The following AFG2A variants were observed in gnomAD, a reference collection of about 807,000 sequenced individuals.
The protein encoded by AFG2A is AAA ATPase AFG2A.
the AFG2A span, among the ~76,000 whole-genome samples, chr4:123,012,767 A>G: frequency 1.3e-5 from 2 of 152,254 alleles, no homozygotes; most frequent in South Asian, 4.1e-4. Flanking sequence ...AGGGTTAGTG[A>G]GAGAGGTTGG....
chr4:123,016,258 G>A, the AFG2A span, among the ~76,000 whole-genome samples: 1 of 150,190 alleles, frequency 6.7e-6, no homozygotes, highest in South Asian at 2.1e-4. Flanking sequence ...GCCGGGCAGA[G>A]GGGCTGACCC....
chr4:123,218,280 G>A, the AFG2A span, among the ~76,000 whole-genome samples: 1 of 152,154 alleles, frequency 6.6e-6, no homozygotes, highest in African/African-American at 2.4e-5. Flanking sequence ...GGCAATGGAT[G>A]GAAGAAAACA....
chr4:123,130,637 C>T, the AFG2A span, among the ~76,000 whole-genome samples: 1 of 152,164 alleles, frequency 6.6e-6, no homozygotes, highest in Non-Finnish European at 1.5e-5. Flanking sequence ...TATAGATGCA[C>T]TACAGTTTGT....
chr4:123,175,407 G>A, the AFG2A span, among the ~76,000 whole-genome samples: 1 of 152,156 alleles, frequency 6.6e-6, no homozygotes. Context: ...TCAACCTTAT[G>A]AGGAATTAGA....
chr4:123,132,254 G>T, the AFG2A span, among the ~76,000 whole-genome samples: 1 of 152,058 alleles, frequency 6.6e-6, no homozygotes, highest in South Asian at 2.1e-4. Flanking sequence ...TCATCTTGTG[G>T]CTGAGGGTTT....
chr4:123,173,347 T>G, the AFG2A span, among the ~76,000 whole-genome samples: 109 of 52,370 alleles, frequency 2.1e-3, no homozygotes, highest in Admixed American at 4.6e-3. Flanking sequence ...ATGGTTTTTT[T>G]TTTTTTTTTT....
At chr4:123,183,227 C>T in the AFG2A span, among the ~76,000 whole-genome samples, 1 of 152,070 alleles carries the variant, frequency 6.6e-6, no homozygotes, top group Non-Finnish European at 1.5e-5. Context: ...TATTTAACCA[C>T]CCTTCAAAAA....
At chr4:123,073,204 C>A in the AFG2A span, among the ~76,000 whole-genome samples, 1 of 151,362 alleles carries the variant, frequency 6.6e-6, no homozygotes, top group African/African-American at 2.4e-5. Context: ...AATATGGTTA[C>A]CTTCTCCGGC....
the AFG2A span, among the ~76,000 whole-genome samples, chr4:122,987,344 T>TA: frequency 1.3e-5 from 2 of 152,120 alleles, no homozygotes; most frequent in East Asian, 3.9e-4. Context: ...CTCTTATGGG[T>TA]AGCATAATTT....
the AFG2A span, among the ~76,000 whole-genome samples, chr4:123,035,283 T>G: frequency 1.3e-5 from 2 of 152,178 alleles, no homozygotes; most frequent in Non-Finnish European, 2.9e-5. Context: ...AAGTCTGTAT[T>G]CTCCTTCTAT....
At chr4:123,238,696 A>C in the AFG2A span, among the ~76,000 whole-genome samples, 1 of 152,198 alleles carries the variant, frequency 6.6e-6, no homozygotes, top group Non-Finnish European at 1.5e-5. Context: ...AACATCAAAG[A>C]CCAAAGGTAG....
chr4:123,084,994 T>A, the AFG2A span, among the ~76,000 whole-genome samples: 1 of 151,892 alleles, frequency 6.6e-6, no homozygotes, highest in Admixed American at 6.6e-5. Flanking sequence ...AAGTGTGTTG[T>A]TCAGTCTTTT....
chr4:122,984,215 A>G, the AFG2A span, among the ~76,000 whole-genome samples: 2 of 151,570 alleles, frequency 1.3e-5, no homozygotes, highest in East Asian at 3.9e-4. Context: ...TTTTGCAGCT[A>G]TTGTAAAAGG....
chr4:123,177,593 T>C, the AFG2A span, among the ~76,000 whole-genome samples: 1 of 152,186 alleles, frequency 6.6e-6, no homozygotes, highest in Non-Finnish European at 1.5e-5. Flanking sequence ...AAAAAGTAAA[T>C]GTCCTTGTGT....
At chr4:123,151,263 G>A in the AFG2A span, among the ~76,000 whole-genome samples, 1,799 of 152,224 alleles carry the variant, frequency 0.012, 42 homozygotes, top group African/African-American at 0.04. Context: ...AGCCAAAATT[G>A]ACAAATGGGA....
the AFG2A span, among the ~76,000 whole-genome samples, chr4:122,969,794 C>T: frequency 3.9e-5 from 6 of 152,112 alleles, no homozygotes; most frequent in Non-Finnish European, 5.9e-5. Flanking sequence ...GTCTTGCATA[C>T]TGTTAATTAG....
the AFG2A span, among the ~76,000 whole-genome samples, chr4:122,985,333 T>A: frequency 2.0e-5 from 3 of 152,112 alleles, no homozygotes; most frequent in Admixed American, 2.0e-4. Flanking sequence ...TTCTCCATGT[T>A]GGTCAGGCTT....
the AFG2A span, among the ~76,000 whole-genome samples, chr4:123,222,511 G>A: frequency 2.0e-5 from 3 of 152,120 alleles, no homozygotes; most frequent in Non-Finnish European, 4.4e-5. Flanking sequence ...TGATAAAGAG[G>A]AAAATTTTTT....
the AFG2A span, among the ~76,000 whole-genome samples, chr4:122,982,469 C>T: frequency 1.3e-5 from 2 of 152,166 alleles, no homozygotes; most frequent in East Asian, 3.8e-4. Context: ...TCTATTCTTA[C>T]AGCATTCTTG....
Sources: gnomAD v4.1 joint callset for allele counts (sites outside exome capture counted in the v4.1 genomes callset) on GRCh38, gnomAD v4.1.1 for gene constraint, MANE v1.5 for transcripts, NCBI Gene and HGNC (gene_info 2026-07-23, HGNC 2026-07-21) for gene names.